TRIM44: variants seen among roughly 807,000 people sequenced by gnomAD.
TRIM44 encodes tripartite motif-containing protein 44.
Under a neutral mutation model 37.4 loss-of-function variants are expected in TRIM44, and 13 were observed. The ratio of observed to expected loss-of-function variants is 0.35; its 90% CI spans 0.23 to 0.55. The LOEUF is 0.55. Ranked by LOEUF, TRIM44 falls within the 20% of genes least tolerant of loss-of-function variation. TRIM44 has a pLI of 0.89. For synonymous variants in TRIM44, 175 were observed against 157.2 expected (o/e 1.11, Z -0.85); for missense variants, 426 against 437.2 (o/e 0.97, Z 0.23).
intron 4 of TRIM44, among the ~76,000 whole-genome samples, chr11:35,766,837 C>A (rs1049851176): frequency 4.6e-5 from 7 of 152,178 alleles, no homozygotes; most frequent in African/African-American, 1.7e-4. Flanking sequence ...TGGATACTTA[C>A]AAGGGGCACA....
In TRIM44 at chr11:35,813,607, A is replaced by G. The variant is rs886477590; in HGVS notation, c.*7222A>G. The G allele has an allele frequency of 3.9e-5, 6 of 152,192 alleles. No homozygotes were observed. Among genetic ancestry groups the G allele is most frequent in the African/African-American group, 1.4e-4 (6 of 41,450 alleles). 9.4% of individuals were successfully genotyped at this position (152,192 alleles called of 1,614,324 possible). A position where few individuals can be genotyped will look rare whatever the true frequency, so the allele number is the denominator to read the frequency against. ...CAAAGCCCTGATATATGGGTTATTT[A>G]GTGTCAAAAACAGTCTATACACATC... is the stretch of plus-strand genomic sequence containing the variant. On this transcript the variant is annotated 3_prime_UTR_variant, in exon 5 of 5. Coordinates refer to ENST00000299413, the MANE Select transcript of TRIM44 (RefSeq NM_017583.6).
intron 4 of TRIM44, among the ~76,000 whole-genome samples, chr11:35,758,008 A>G (rs1020497428): frequency 7.9e-5 from 12 of 152,140 alleles, no homozygotes; most frequent in South Asian, 6.2e-4. Context: ...GTAGATGTCT[A>G]TTAGGTCCGC....
chr11:35,776,999 C>T (rs1023887302), intron 4 of TRIM44, among the ~76,000 whole-genome samples: 16 of 152,084 alleles, frequency 1.1e-4, no homozygotes, highest in African/African-American at 3.9e-4. Flanking sequence ...AGTTCAAGTC[C>T]TGGATATCCT....
intron 4 of TRIM44, among the ~76,000 whole-genome samples, chr11:35,798,876 G>A (rs1162766929): frequency 2.0e-5 from 3 of 152,148 alleles, no homozygotes; most frequent in Non-Finnish European, 4.4e-5. Context: ...GGTGTATGGG[G>A]AAATATATTT....
chr11:35,685,532 C>A (rs1488757267), intron 2 of TRIM44, among the ~76,000 whole-genome samples, 196 bp downstream of exon 2: 9 of 152,216 alleles, frequency 5.9e-5, no homozygotes, highest in African/African-American at 2.2e-4. Flanking sequence ...TTATGACTTA[C>A]AACACATAAT....
At chr11:35,777,109 T>C (rs1296836912) in intron 4 of TRIM44, among the ~76,000 whole-genome samples, 2 of 152,214 alleles carry the variant, frequency 1.3e-5, no homozygotes, top group South Asian at 2.1e-4. Flanking sequence ...TGTAGGTCTC[T>C]AAGGACTTGC....
intron 1 of TRIM44, among the ~76,000 whole-genome samples, chr11:35,664,494 G>C (rs1019359489): frequency 6.6e-6 from 1 of 152,190 alleles, no homozygotes; most frequent in African/African-American, 2.4e-5. Context: ...TACTATCATT[G>C]AGAGAAACTG....
At chr11:35,769,483 G>A (rs1852839016) in intron 4 of TRIM44, among the ~76,000 whole-genome samples, 1 of 152,150 alleles carries the variant, frequency 6.6e-6, no homozygotes, top group South Asian at 2.1e-4. Context: ...AAAGCATCCA[G>A]CATTCTGATG....
At chr11:35,697,208 T>TC (rs1229635471) in intron 2 of TRIM44, among the ~76,000 whole-genome samples, 159 of 98,378 alleles carry the variant, frequency 1.6e-3, no homozygotes, top group African/African-American at 5.6e-3. Flanking sequence ...ATGCTATCCC[T>TC]CCCCCTCCCC....
chr11:35,709,241 G>A (rs949456796), intron 2 of TRIM44, among the ~76,000 whole-genome samples: 7 of 152,134 alleles, frequency 4.6e-5, no homozygotes, highest in Non-Finnish European at 5.9e-5. Context: ...GTAAGATTTT[G>A]TCATTTTCTG....
At chr11:35,782,856 A>C (rs1853083709) in intron 4 of TRIM44, among the ~76,000 whole-genome samples, 1 of 152,198 alleles carries the variant, frequency 6.6e-6, no homozygotes, top group African/African-American at 2.4e-5. Context: ...TAAGTCAGCC[A>C]ATCAGTAGTA....
intron 4 of TRIM44, among the ~76,000 whole-genome samples, chr11:35,737,947 T>C (rs1433313494): frequency 6.6e-6 from 1 of 152,206 alleles, no homozygotes; most frequent in East Asian, 1.9e-4. Context: ...TCGGTTTTTA[T>C]CATTTTCCAC....
chr11:35,798,271 T>C (rs1853319120), intron 4 of TRIM44, among the ~76,000 whole-genome samples: 1 of 152,332 alleles, frequency 6.6e-6, no homozygotes, highest in South Asian at 2.1e-4. Flanking sequence ...GTCTGTCCTT[T>C]GTGAGGGCAG....
intron 2 of TRIM44, among the ~76,000 whole-genome samples, chr11:35,715,427 T>G (rs925286984): frequency 2.0e-5 from 3 of 150,356 alleles, no homozygotes; most frequent in South Asian, 2.1e-4. Flanking sequence ...TGTGTGTGTG[T>G]GTGGGTGTGG....
intron 2 of TRIM44, among the ~76,000 whole-genome samples, chr11:35,700,605 G>A (rs1851774975): frequency 6.6e-6 from 1 of 152,154 alleles, no homozygotes; most frequent in South Asian, 2.1e-4. Context: ...TATGTCATGT[G>A]TGGATTTTCC....
intron 1 of TRIM44, among the ~76,000 whole-genome samples, chr11:35,665,586 GTTTTTTT>G (rs35522287): frequency 2.8e-5 from 2 of 71,512 alleles, no homozygotes; most frequent in African/African-American, 1.1e-4. Context: ...TTATATATCT[GTTTTTTT>G]TTTTTTTTTT....
At chr11:35,800,223 C>A (rs928788969) in intron 4 of TRIM44, among the ~76,000 whole-genome samples, 1 of 152,180 alleles carries the variant, frequency 6.6e-6, no homozygotes, top group Non-Finnish European at 1.5e-5. Context: ...AAGCCACGGA[C>A]CTTCACGGCG....
Position 35,814,916 on chromosome 11 carries a change from A to G in TRIM44, c.*8531A>G, listed in dbSNP as rs948428938. 28 of 152,290 alleles carry G rather than the reference A, an allele frequency of 1.8e-4. No individual in the cohort carries two copies. Among genetic ancestry groups the G allele is most frequent in the East Asian group, 5.8e-4 (3 of 5,154 alleles). The allele number at this position is 152,290 out of a possible 1,614,324, so 9.4% of individuals were successfully genotyped here. On this transcript the variant is annotated 3_prime_UTR_variant, in exon 5 of 5. Coordinates refer to ENST00000299413, the MANE Select transcript of TRIM44 (RefSeq NM_017583.6). ...GAGGGAAATTGTCCACCACTTCCCA[A>G]TGATAATGCCTGGCTCGGACCCCAG...
rs146769000 is a variant in TRIM44 at position 35,769,395 on chromosome 11, G to A, written c.1007+33950G>A. 1.8e-3 allele frequency among the ~76,000 whole-genome samples: 281 copies of A among 152,322 alleles called. 2 individuals carry two copies. The highest frequency in any genetic ancestry group is 6.5e-3 in the African/African-American group (270 of 41,570). On this transcript the variant is annotated intron_variant, in intron 4 of 4. Coordinates refer to ENST00000299413, the MANE Select transcript of TRIM44 (RefSeq NM_017583.6). The stretch of plus-strand genomic sequence containing the variant: ...GTTCACAGTTGGCATTGTTTTGGGG[G>A]CTGGAAATGCAGAGGAGTCTTATGG...
Sources: gnomAD v4.1 joint callset for allele counts (sites outside exome capture counted in the v4.1 genomes callset) on GRCh38, gnomAD v4.1.1 for gene constraint, MANE v1.5 for transcripts, NCBI Gene and HGNC (gene_info 2026-07-23, HGNC 2026-07-21) for gene names.